CC2D2A: variants seen among roughly 807,000 people sequenced by gnomAD.
CC2D2A encodes the protein coiled-coil and C2 domain-containing protein 2A.
A neutral mutation model predicts 212.9 loss-of-function variants in CC2D2A; 155 were observed. That is an observed-to-expected ratio of 0.73 (90% CI 0.64 to 0.83). CC2D2A has a LOEUF of 0.83. CC2D2A is among the 40% of genes least tolerant of loss of function. The probability of loss-of-function intolerance (pLI) is 0.00; values close to 1 mark genes in which losing one functional copy is unlikely to be tolerated. For missense variants in CC2D2A, 1,856 were observed against 1,956.2 expected (o/e 0.95, Z 0.97); for synonymous variants, 667 against 686.5 (o/e 0.97, Z 0.44).
At chr4:15,528,577 A>C in intron 12 of CC2D2A, 43 bp from the exon 13 acceptor site, 1 of 1,543,562 alleles carries the variant, frequency 6.5e-7, no homozygotes, top group Non-Finnish European at 9.0e-7. Context: ...TGCAGTAGGG[A>C]ATAGAGTTTG....
intron 3 of CC2D2A, among the ~76,000 whole-genome samples, chr4:15,480,274 G>GT (rs1197136079): frequency 6.6e-6 from 1 of 152,194 alleles, no homozygotes; most frequent in Non-Finnish European, 1.5e-5. Flanking sequence ...TTCACTGAGA[G>GT]TGTGGGGAAG....
At chr4:15,576,293 TC>T (rs1270174545) in intron 29 of CC2D2A, 4 of 647,198 alleles carry the variant, frequency 6.2e-6, no homozygotes, top group Non-Finnish European at 7.7e-6. Context: ...TGCAGACAAT[TC>T]AGGAAAGAGA....
chr4:15,483,707 A>C (rs1714829420), intron 4 of CC2D2A, among the ~76,000 whole-genome samples: 1 of 152,202 alleles, frequency 6.6e-6, no homozygotes, highest in Admixed American at 6.5e-5. Context: ...GGATCTATGC[A>C]ATTGGGCTCC....
At position 15,558,009 on chromosome 4, in the gene CC2D2A, C is replaced by T. The variant is rs114431619; in HGVS notation, c.2829+502C>T. Among the ~76,000 whole-genome samples the T allele has an allele frequency of 1.5e-3, 232 of 152,216 alleles. 2 individuals are homozygous for T. The highest frequency in any genetic ancestry group is 5.2e-3 in the African/African-American group (218 of 41,524). Reference sequence around the variant, plus strand: ...TAAAGGAACAGGGCTGGGCATCCATCCTGGTCAAGGGCAGCAGGAGGAACA... The same window carrying T: ...TAAAGGAACAGGGCTGGGCATCCATTCTGGTCAAGGGCAGCAGGAGGAACA... On this transcript the variant is annotated intron_variant, in intron 21 of 36. Coordinates refer to ENST00000424120, the MANE Select transcript of CC2D2A (RefSeq NM_001378615.1).
rs1480010190 is a variant in CC2D2A at position 15,500,099 on chromosome 4, GTGTGTGTGTA to G, written c.248-2328_248-2319del. On this transcript the variant is annotated intron_variant, in intron 4 of 36. Transcript: ENST00000424120. ...ATTGTGTGTGTGTGTGTGTGTGTGT[GTGTGTGTGTA>G]TATATATATATATATATATATATGT... Among the ~76,000 whole-genome samples, 30 of 69,826 alleles carry G rather than the reference GTGTGTGTGTA, an allele frequency of 4.3e-4. 1 individual carries two copies. The South Asian group carries it at 0.011, about 25-fold the overall frequency. 45.8% of individuals were successfully genotyped at this position (69,826 alleles called of 152,430 possible).
intron 18 of CC2D2A, among the ~76,000 whole-genome samples, chr4:15,552,445 C>A (rs879270124): frequency 6.6e-6 from 1 of 152,138 alleles, no homozygotes; most frequent in African/African-American, 2.4e-5. Context: ...CCTGGCCACC[C>A]CTTCTAAAAG....
At chr4:15,503,073 G>A (rs1716054518) in intron 6 of CC2D2A, 150 bp downstream of exon 6, 1 of 520,420 alleles carries the variant, frequency 1.9e-6, no homozygotes, top group Non-Finnish European at 3.3e-6. Context: ...GAGGTGGGAG[G>A]ATCGCTTGAG....
rs1194338259 is a variant in CC2D2A, at chr4:15,553,223, T to C, written c.2404T>C (p.Ser802Pro). 9.3e-6 allele frequency: 15 copies of C among 1,612,766 alleles called. No individual in the cohort carries two copies. Among genetic ancestry groups the C allele is most frequent in the Non-Finnish European group, 1.3e-5 (15 of 1,179,472 alleles). ...GACTCTGATGACCTCAGGGAAAGTG[T>C]CTCATAGTGTGGCATGGGCCATTGG... ...QLTLMTSGKV[S>P]HSVAWAIGEN... Residue 802 changes from serine (S) to proline (P), a missense_variant, in exon 19 of 37, where the codon TCT becomes CCT. By Grantham distance (74) the Ser-to-Pro change is moderately conservative. Coordinates refer to ENST00000424120, the MANE Select transcript of CC2D2A (RefSeq NM_001378615.1).
chr4:15,582,152 G>A (rs1720689742), intron 30 of CC2D2A, among the ~76,000 whole-genome samples: 1 of 151,946 alleles, frequency 6.6e-6, no homozygotes. Flanking sequence ...GTACCAAGTG[G>A]AACTTATAAC....
chr4:15,580,293 C>T, intron 30 of CC2D2A, 122 bp downstream of exon 30: 1 of 749,540 alleles, frequency 1.3e-6, no homozygotes, highest in East Asian at 2.7e-5. Flanking sequence ...TCATTAATGA[C>T]AAAAGTAATG....
rs892866184 is a variant in CC2D2A, at chr4:15,480,792, G to A, written c.212G>A (p.Arg71His). 9 of 1,613,096 alleles carry A rather than the reference G, an allele frequency of 5.6e-6. No individual in the cohort carries two copies. The highest frequency in any genetic ancestry group is 1.6e-4 in the Middle Eastern group (1 of 6,082). Residue 71 changes from arginine to histidine, a missense_variant, in exon 4 of 37, where the codon CGC becomes CAC. Physicochemically the swap from Arg to His is conservative, Grantham distance 29. This residue lies in a region of CC2D2A where 1,512 missense variants were observed against 1,579.3 expected (regional missense o/e 0.96). Transcript: ENST00000424120. ...CCTGTGCAGGAGGAGCCCAAGACCC[G>A]CCTCCTGAGTATGACAGTCCGGAGA... is the stretch of plus-strand genomic sequence containing the variant. ...QEPVQEEPKT[R>H]LLSMTVRRGP...
intron 33 of CC2D2A, among the ~76,000 whole-genome samples, chr4:15,590,896 C>G (rs907367760): frequency 6.6e-6 from 1 of 152,070 alleles, no homozygotes; most frequent in African/African-American, 2.4e-5. Context: ...GCCACCTTGC[C>G]TGGCTAATTT....
rs144584631 is a variant in CC2D2A at position 15,549,732 on chromosome 4, G to A, written c.2182-1092G>A. Among the ~76,000 whole-genome samples the A allele has an allele frequency of 5.0e-4, 76 of 152,284 alleles. No individual in the cohort carries two copies. In the East Asian group the frequency reaches 7.7e-3, roughly 15 times the overall value. The stretch of plus-strand genomic sequence containing the variant: ...GCAGGAGAATCGCTTGAACCCAGGA[G>A]GCAGAGGTTGCAGTGAGCCAAGATC... On this transcript the variant is annotated intron_variant, in intron 17 of 36. Coordinates refer to ENST00000424120, the MANE Select transcript of CC2D2A (RefSeq NM_001378615.1).
chr4:15,587,978 G>A (rs780973593), intron 32 of CC2D2A, 49 bp downstream of exon 32: 9 of 1,047,820 alleles, frequency 8.6e-6, no homozygotes, highest in Middle Eastern at 2.0e-4. Flanking sequence ...TTGTCTAATC[G>A]AGTTGTGTGT....
chr4:15,551,727 T>C (rs1468268011), intron 18 of CC2D2A, among the ~76,000 whole-genome samples: 1 of 152,184 alleles, frequency 6.6e-6, no homozygotes, highest in Non-Finnish European at 1.5e-5. Flanking sequence ...TAAATATATT[T>C]AAAATATTCT....
chr4:15,553,919 T>C (rs531200067), intron 19 of CC2D2A, among the ~76,000 whole-genome samples: 1 of 152,302 alleles, frequency 6.6e-6, no homozygotes, highest in East Asian at 1.9e-4. Flanking sequence ...ATTTCACCAT[T>C]CCAGGCCTCA....
intron 11 of CC2D2A, 27 bp from the exon 12 acceptor site, chr4:15,527,420 C>T: frequency 6.4e-7 from 1 of 1,563,226 alleles, no homozygotes; most frequent in African/African-American, 1.3e-5. Flanking sequence ...TAACTGTGTT[C>T]TGTCTACACT....
intron 4 of CC2D2A, 69 bp downstream of exon 4, chr4:15,480,896 T>A: frequency 6.5e-7 from 1 of 1,532,724 alleles, no homozygotes; most frequent in South Asian, 1.3e-5. Context: ...CAGAGCAGTA[T>A]AGGGATTTTT....
intron 4 of CC2D2A, among the ~76,000 whole-genome samples, chr4:15,497,601 T>C (rs141213191): frequency 1.6e-4 from 25 of 152,376 alleles, no homozygotes; most frequent in African/African-American, 6.0e-4. Context: ...CCAAAGTAGC[T>C]ACAGCAATTT....
Sources: allele counts gnomAD v4.1 joint callset (sites outside exome capture counted in the v4.1 genomes callset), GRCh38; gene constraint gnomAD v4.1.1; regional missense constraint gnomAD v4.1.1; transcripts MANE v1.5; gene names NCBI Gene and HGNC (gene_info 2026-07-23, HGNC 2026-07-21).